The following CACNA1C variants were observed in gnomAD, a reference collection of about 807,000 sequenced individuals.
CACNA1C encodes the protein voltage-dependent L-type calcium channel subunit alpha-1C.
Under a neutral mutation model 229.0 loss-of-function variants are expected in CACNA1C, and 30 were observed. The observed-to-expected ratio is 0.13, with a 90% confidence interval of 0.10 to 0.18. The LOEUF (loss-of-function observed/expected upper bound fraction) is 0.18, where lower values mean the gene tolerates loss of function less well. Ranked by LOEUF, CACNA1C falls within the 10% of genes least tolerant of loss-of-function variation. The probability of loss-of-function intolerance (pLI) is 1.00; values close to 1 mark genes in which losing one functional copy is unlikely to be tolerated. For synonymous variants in CACNA1C, 1,114 were observed against 1,132.5 expected (o/e 0.98, Z 0.33); for missense variants, 1,658 against 2,845.0 (o/e 0.58, Z 9.49).
chr12:2,290,553 G>A (rs1261608472), intron 3 of CACNA1C, among the ~76,000 whole-genome samples: 1 of 152,198 alleles, frequency 6.6e-6, no homozygotes, highest in Non-Finnish European at 1.5e-5. Context: ...TTCCTAACCA[G>A]GCAGACTCTG....
At chr12:2,293,113 C>T (rs527643979) in intron 3 of CACNA1C, among the ~76,000 whole-genome samples, 6 of 152,190 alleles carry the variant, frequency 3.9e-5, no homozygotes, top group Non-Finnish European at 7.4e-5. Flanking sequence ...AGTGGGTGCA[C>T]TTCAGGCTTG....
At chr12:2,664,789 A>G in intron 34 of CACNA1C, 36 bp from the exon 35 acceptor site, 2 of 1,522,880 alleles carry the variant, frequency 1.3e-6, no homozygotes, top group East Asian at 4.9e-5. Context: ...CATCTGTAGG[A>G]TGGGCTGCAT....
At chr12:2,412,268 C>A (rs963331527) in intron 3 of CACNA1C, among the ~76,000 whole-genome samples, 1 of 152,198 alleles carries the variant, frequency 6.6e-6, no homozygotes, top group Non-Finnish European at 1.5e-5. Flanking sequence ...CAGCACACAC[C>A]GGAGAGGCCT....
rs1292582486 is a variant in CACNA1C at position 2,653,928 on chromosome 12, T to G, written c.4140+28T>G. 1.3e-6 allele frequency: 2 copies of G among 1,593,486 alleles called. No homozygotes were observed. The highest frequency in any genetic ancestry group is 4.5e-5 in the East Asian group (2 of 44,760). On this transcript the variant is annotated intron_variant, in intron 33 of 46. Coordinates refer to ENST00000399655, the MANE Select transcript of CACNA1C (RefSeq NM_000719.7). This position sits in a 1 kb window ranked among gnomAD's most constrained non-coding sequence, Gnocchi z 4.7. The stretch of plus-strand genomic sequence containing the variant: ...AGGGAGGCTCCCACCACGGGGCTCC[T>G]GGCCTCCCGCTCTGTCTCTCCCCAG...
chr12:2,477,707 C>G (rs1209076209), intron 5 of CACNA1C, among the ~76,000 whole-genome samples: 4 of 152,166 alleles, frequency 2.6e-5, no homozygotes, highest in Non-Finnish European at 5.9e-5. Flanking sequence ...TTGTCACAGC[C>G]TCTCCGAGTG....
intron 7 of CACNA1C, among the ~76,000 whole-genome samples, chr12:2,497,396 C>T (rs762671679): frequency 3.3e-5 from 5 of 152,166 alleles, no homozygotes; most frequent in Admixed American, 2.0e-4. Context: ...TGGGGACACA[C>T]GCAGAACGTT....
At chr12:1,986,836 T>C (rs1202579763) in intron 1 of CACNA1C, among the ~76,000 whole-genome samples, 1 of 152,214 alleles carries the variant, frequency 6.6e-6, no homozygotes, top group Non-Finnish European at 1.5e-5. Context: ...CCCCAGTTAG[T>C]TGCTTTTGTA....
chr12:2,653,544 T>A lies in CACNA1C; in HGVS notation c.4075-291T>A, dbSNP rs572402714. 6.6e-6 allele frequency among the ~76,000 whole-genome samples: 1 copy of A among 152,280 alleles called. No individual in the cohort carries two copies. The highest frequency in any genetic ancestry group is 2.4e-5 in the African/African-American group (1 of 41,562). ...GCCTCGTACAGACACACCGCACATGTGTAGTCGGAGGAGGTTTTGCTCGTT... is the reference window on the plus strand; with the variant it reads ...GCCTCGTACAGACACACCGCACATGAGTAGTCGGAGGAGGTTTTGCTCGTT... On this transcript the variant is annotated intron_variant, in intron 32 of 46. Coordinates refer to ENST00000399655, the MANE Select transcript of CACNA1C (RefSeq NM_000719.7). This position sits in a 1 kb window ranked among gnomAD's most constrained non-coding sequence, Gnocchi z 4.7.
intron 3 of CACNA1C, among the ~76,000 whole-genome samples, chr12:2,171,935 G>A (rs1385837345): frequency 6.6e-6 from 1 of 152,178 alleles, no homozygotes; most frequent in Non-Finnish European, 1.5e-5. Flanking sequence ...CACATGCCAT[G>A]GCCCTGAGGA....
intron 1 of CACNA1C, among the ~76,000 whole-genome samples, chr12:1,984,840 T>C (rs187677965): frequency 1.1e-4 from 16 of 151,790 alleles, no homozygotes; most frequent in Admixed American, 7.2e-4. Flanking sequence ...TATATGTCTT[T>C]ATTTCACCTT....
intron 13 of CACNA1C, among the ~76,000 whole-genome samples, chr12:2,579,605 G>A (rs2154594556): frequency 6.6e-6 from 1 of 152,222 alleles, no homozygotes; most frequent in Non-Finnish European, 1.5e-5. Flanking sequence ...TTTTAGGACA[G>A]GGTCTCACTC....
intron 1 of CACNA1C, among the ~76,000 whole-genome samples, chr12:2,074,226 T>C (rs1428059639): frequency 6.6e-6 from 1 of 152,180 alleles, no homozygotes; most frequent in Non-Finnish European, 1.5e-5. Flanking sequence ...TTCAGCTAGG[T>C]TGGTAAATCA....
intron 3 of CACNA1C, among the ~76,000 whole-genome samples, chr12:2,372,407 GA>G (rs1412913243): frequency 6.6e-6 from 1 of 152,150 alleles, no homozygotes; most frequent in Non-Finnish European, 1.5e-5. Context: ...ACGCTGGGGA[GA>G]AATCTGGTTC....
chr12:2,527,828 G>A (rs1457312838), intron 9 of CACNA1C, among the ~76,000 whole-genome samples: 2 of 152,150 alleles, frequency 1.3e-5, no homozygotes, highest in African/African-American at 4.8e-5. Flanking sequence ...GTGGGTCCCA[G>A]CCCCTTGGAC....
At chr12:2,271,367 C>T (rs1410375092) in intron 3 of CACNA1C, among the ~76,000 whole-genome samples, 1 of 152,228 alleles carries the variant, frequency 6.6e-6, no homozygotes, top group Non-Finnish European at 1.5e-5. Flanking sequence ...GGGAAAAGTA[C>T]TCAGAGAGAA....
In CACNA1C at chr12:2,557,615, G is replaced by A. The variant is rs1226033893; in HGVS notation, c.1508+638G>A. ...CACTATGCCCCCATGCCTTCATCTG[G>A]AGAACTCACACTTCTGTTCAGACCC... On this transcript the variant is annotated intron_variant, in intron 11 of 46. Coordinates refer to ENST00000399655, the MANE Select transcript of CACNA1C (RefSeq NM_000719.7). Among the ~76,000 whole-genome samples, 5 of 152,260 alleles carry A rather than the reference G, an allele frequency of 3.3e-5. No homozygotes were observed. The East Asian group carries it at 9.7e-4, about 29-fold the overall frequency.
intron 8 of CACNA1C, among the ~76,000 whole-genome samples, chr12:2,510,815 G>A (rs967051073): frequency 3.3e-5 from 5 of 152,204 alleles, no homozygotes; most frequent in African/African-American, 1.2e-4. Context: ...GTCAAGAGAG[G>A]AGGCCTTGAA....
intron 3 of CACNA1C, among the ~76,000 whole-genome samples, chr12:2,158,506 G>A (rs753781390): frequency 6.6e-6 from 1 of 152,046 alleles, no homozygotes; most frequent in Non-Finnish European, 1.5e-5. Flanking sequence ...GAGCCTGGGC[G>A]ATGGAGCAAG....
chr12:2,567,901 A>T, intron 13 of CACNA1C, 107 bp downstream of exon 13: 7 of 640,270 alleles, frequency 1.1e-5, no homozygotes, highest in Non-Finnish European at 1.7e-5. Flanking sequence ...TTCTTCCTCA[A>T]AGGGTGTCTC....
Sources: allele counts gnomAD v4.1 joint callset (sites outside exome capture counted in the v4.1 genomes callset), GRCh38; gene constraint gnomAD v4.1.1; non-coding constraint Gnocchi (gnomAD v3.1); transcripts MANE v1.5; gene names NCBI Gene and HGNC (gene_info 2026-07-23, HGNC 2026-07-21).